HIPK2: variants seen among roughly 807,000 people sequenced by gnomAD.
HIPK2 encodes the protein homeodomain-interacting protein kinase 2.
Under a neutral mutation model 113.7 loss-of-function variants are expected in HIPK2, and 27 were observed. The observed-to-expected ratio is 0.24, with a 90% CI of 0.17 to 0.33. The LOEUF (loss-of-function observed/expected upper bound fraction) is 0.33, where lower values mean the gene tolerates loss of function less well. HIPK2 is among the 10% of genes least tolerant of loss of function. The probability of loss-of-function intolerance (pLI) is 1.00; values close to 1 mark genes in which losing one functional copy is unlikely to be tolerated. For missense variants in HIPK2, 1,257 were observed against 1,588.0 expected (o/e 0.79, Z 3.54); for synonymous variants, 631 against 642.2 (o/e 0.98, Z 0.26).
chr7:139,577,400 C>T (rs1235403328), intron 13 of HIPK2, among the ~76,000 whole-genome samples: 3 of 152,078 alleles, frequency 2.0e-5, no homozygotes, highest in Non-Finnish European at 2.9e-5. Flanking sequence ...ATCCACCTGC[C>T]CTTGGCCTCC....
chr7:139,664,711 A>T (rs1297475833), intron 2 of HIPK2, among the ~76,000 whole-genome samples: 3 of 151,984 alleles, frequency 2.0e-5, no homozygotes. Context: ...GTAGCCCTAA[A>T]TTTCTCTGCT....
At chr7:139,669,889 A>T (rs1802202132) in intron 2 of HIPK2, among the ~76,000 whole-genome samples, 1 of 152,258 alleles carries the variant, frequency 6.6e-6, no homozygotes, top group Non-Finnish European at 1.5e-5. Flanking sequence ...CAGGCACTAG[A>T]GTACCCATGG....
At chr7:139,731,422 A>C (rs531698333) in intron 1 of HIPK2, among the ~76,000 whole-genome samples, 58 of 152,206 alleles carry the variant, frequency 3.8e-4, no homozygotes, top group Non-Finnish European at 6.8e-4. Context: ...AAGGCATCTA[A>C]AGTTCGATCT....
chr7:139,594,715 G>A (rs1253489616), intron 12 of HIPK2, among the ~76,000 whole-genome samples: 1 of 152,152 alleles, frequency 6.6e-6, no homozygotes, highest in Non-Finnish European at 1.5e-5. Flanking sequence ...TCAGTCTGCA[G>A]CTTCCCTATT....
At chr7:139,632,434 C>A (rs1008957496) in intron 2 of HIPK2, among the ~76,000 whole-genome samples, 3 of 152,196 alleles carry the variant, frequency 2.0e-5, no homozygotes, top group African/African-American at 7.2e-5. Context: ...ATCACACTTT[C>A]TTAAGGAAAC....
intron 2 of HIPK2, among the ~76,000 whole-genome samples, chr7:139,666,883 C>T (rs1422981309): frequency 2.6e-5 from 4 of 151,926 alleles, no homozygotes; most frequent in Admixed American, 6.6e-5. Context: ...GCCAAAATGG[C>T]GAAACCCGTC....
chr7:139,589,212 T>C (rs1235739981), intron 12 of HIPK2, among the ~76,000 whole-genome samples: 1 of 152,142 alleles, frequency 6.6e-6, no homozygotes, highest in Non-Finnish European at 1.5e-5. Flanking sequence ...AGATTACTCA[T>C]GGCATTAAAG....
rs766907867 is a variant in HIPK2 at position 139,575,307 on chromosome 7, G to C, written c.2966-19C>G. On this transcript the variant is annotated intron_variant, in intron 13 of 14. Transcript: ENST00000406875. ...GTGTTGACTGTGGCGGGAGGAGAAAGAGGTCAGATCAGTGGCAGGGTCCCA... is the reference window on the plus strand; with the variant it reads ...GTGTTGACTGTGGCGGGAGGAGAAACAGGTCAGATCAGTGGCAGGGTCCCA... 22 of 1,551,174 alleles carry C rather than the reference G, an allele frequency of 1.4e-5. No homozygotes were observed. In the South Asian group the frequency reaches 2.6e-4, roughly 19 times the overall value.
intron 2 of HIPK2, among the ~76,000 whole-genome samples, chr7:139,688,339 TC>T (rs1794291457): frequency 6.6e-6 from 1 of 152,202 alleles, no homozygotes; most frequent in Non-Finnish European, 1.5e-5. Context: ...CAAACTCCTC[TC>T]CTTACCGCTC....
At chr7:139,709,533 T>C (rs1795002178) in intron 2 of HIPK2, among the ~76,000 whole-genome samples, 1 of 152,136 alleles carries the variant, frequency 6.6e-6, no homozygotes, top group Admixed American at 6.5e-5. Flanking sequence ...TCATGGAGGG[T>C]TCCCAGTTTC....
chr7:139,750,381 T>C (rs910217270), intron 1 of HIPK2, among the ~76,000 whole-genome samples: 6 of 152,378 alleles, frequency 3.9e-5, no homozygotes, highest in African/African-American at 1.2e-4. Context: ...GAATACAGCA[T>C]GGTGGGCAAT....
intron 1 of HIPK2, among the ~76,000 whole-genome samples, chr7:139,737,196 TCTC>T (rs1274726195): frequency 1.3e-5 from 2 of 152,152 alleles, no homozygotes; most frequent in African/African-American, 4.8e-5. Context: ...TAAAGATTCT[TCTC>T]TTCTAAGACT....
At chr7:139,692,510 CAG>C (rs895772086) in intron 2 of HIPK2, among the ~76,000 whole-genome samples, 1 of 152,142 alleles carries the variant, frequency 6.6e-6, no homozygotes, top group African/African-American at 2.4e-5. Flanking sequence ...TTCCTGTGTA[CAG>C]AGAGGGGTGA....
chr7:139,573,050 G>A lies in HIPK2; in HGVS notation c.3474C>T (p.Ile1158=). 2 of 1,612,444 alleles carry A rather than the reference G, an allele frequency of 1.2e-6. No homozygotes were observed. The highest frequency in any genetic ancestry group is 1.1e-5 in the South Asian group (1 of 90,724). The change falls in exon 15 of 15, where the codon ATC becomes ATT. Residue 1158 remains isoleucine, a synonymous_variant. Coordinates refer to ENST00000406875, the MANE Select transcript of HIPK2 (RefSeq NM_022740.5). The part of the protein sequence containing the change: ...MGPRVLPSPT[I]HPSQYPAQFA... The stretch of plus-strand genomic sequence containing the variant: ...ATTGGGCTGGATACTGACTCGGGTG[G>A]ATGGTGGGCGAGGGCAGGACCCGGG...
At chr7:139,581,465 G>A (rs1191626968) in intron 13 of HIPK2, among the ~76,000 whole-genome samples, 2 of 151,814 alleles carry the variant, frequency 1.3e-5, no homozygotes, top group African/African-American at 4.9e-5. Context: ...TTAAGCCAGT[G>A]TAGAGTTCAT....
chr7:139,616,180 T>G (rs1254457943), intron 7 of HIPK2, among the ~76,000 whole-genome samples: 2 of 152,216 alleles, frequency 1.3e-5, no homozygotes, highest in Non-Finnish European at 2.9e-5. Context: ...CCACTGCTCC[T>G]GCTGCTGCTT....
intron 2 of HIPK2, among the ~76,000 whole-genome samples, chr7:139,662,726 A>T (rs9770197): frequency 0.39 from 58,591 of 150,260 alleles, 12,203 homozygotes; most frequent in East Asian, 0.55. Flanking sequence ...TTCAAGCGTT[A>T]CTCCTACCTC....
At chr7:139,719,939 T>C (rs909821392) in intron 1 of HIPK2, among the ~76,000 whole-genome samples, 19 of 152,114 alleles carry the variant, frequency 1.2e-4, no homozygotes, top group African/African-American at 4.6e-4. Flanking sequence ...CTAAAACATC[T>C]CTGAGCATGC....
chr7:139,747,503 C>T (rs1796209133), intron 1 of HIPK2, among the ~76,000 whole-genome samples: 1 of 152,220 alleles, frequency 6.6e-6, no homozygotes, highest in Admixed American at 6.5e-5. Flanking sequence ...TAATCTACCC[C>T]ATCTCTATCG....
Sources: gnomAD v4.1 joint callset for allele counts (sites outside exome capture counted in the v4.1 genomes callset) on GRCh38, gnomAD v4.1.1 for gene constraint, MANE v1.5 for transcripts, NCBI Gene and HGNC (gene_info 2026-07-23, HGNC 2026-07-21) for gene names.